Variants in CAST observed in about 807,000 individuals in gnomAD.
CAST encodes the protein calpastatin.
CAST carries 76 observed loss-of-function variants against 119.6 expected under a neutral mutation model. The observed-to-expected ratio is 0.64, with a 90% CI of 0.53 to 0.77. CAST has a LOEUF of 0.77. Among genes scored for constraint, CAST ranks in the 30% least tolerant of loss-of-function variants. The pLI, the probability that CAST is intolerant of heterozygous loss-of-function variation, is 0.00. For missense variants in CAST, 953 were observed against 946.5 expected (o/e 1.01, Z -0.09); for synonymous variants, 319 against 331.6 (o/e 0.96, Z 0.41).
At chr5:96,755,304 A>G in intron 22 of CAST, 1 of 152,310 alleles carries the variant, frequency 6.6e-6, no homozygotes, top group Non-Finnish European at 1.5e-5. Flanking sequence ...GTACCACTGC[A>G]CTCCAGCCAG....
the CAST span, among the ~76,000 whole-genome samples, chr5:95,968,903 G>C: frequency 2.0e-5 from 3 of 152,134 alleles, no homozygotes; most frequent in Non-Finnish European, 2.9e-5. Context: ...GTGAAGATAA[G>C]ACCTACTAGG....
chr5:96,535,816 T>C (rs899349917), intron 1 of CAST, among the ~76,000 whole-genome samples: 1 of 150,408 alleles, frequency 6.6e-6, no homozygotes. Flanking sequence ...CTCGTGATCC[T>C]CCCGCCTCGG....
At chr5:96,221,088 TG>T in the CAST span, among the ~76,000 whole-genome samples, 1 of 152,270 alleles carries the variant, frequency 6.6e-6, no homozygotes, top group East Asian at 1.9e-4. Context: ...TGTTGTGGAT[TG>T]ATTTGTAGTC....
intron 1 of CAST, among the ~76,000 whole-genome samples, chr5:96,535,824 C>T (rs950941856): frequency 6.6e-6 from 1 of 150,720 alleles, no homozygotes; most frequent in Non-Finnish European, 1.5e-5. Context: ...CCTCCCGCCT[C>T]GGCCTCCCAA....
intron 1 of CAST, among the ~76,000 whole-genome samples, chr5:96,628,058 T>C (rs748415503): frequency 1.5e-4 from 23 of 152,196 alleles, no homozygotes; most frequent in Non-Finnish European, 3.2e-4. Flanking sequence ...AGAAAGGAAA[T>C]ACAGTAAATC....
chr5:96,741,122 C>G, intron 13 of CAST, 144 bp from the exon 14 acceptor site: 2 of 614,118 alleles, frequency 3.3e-6, no homozygotes. Context: ...AAAACATACA[C>G]TTTGATCTAA....
At chr5:96,511,689 C>T in the CAST span, among the ~76,000 whole-genome samples, 2 of 152,234 alleles carry the variant, frequency 1.3e-5, no homozygotes, top group African/African-American at 2.4e-5. Flanking sequence ...TTTTACTCTA[C>T]TCCTAATTGC....
chr5:96,180,714 A>G, the CAST span, among the ~76,000 whole-genome samples: 7 of 152,380 alleles, frequency 4.6e-5, no homozygotes, highest in South Asian at 1.5e-3. Flanking sequence ...CATATTCACA[A>G]TTTCAAGTAA....
chr5:96,032,775 T>C, the CAST span, among the ~76,000 whole-genome samples: 1 of 152,090 alleles, frequency 6.6e-6, no homozygotes, highest in African/African-American at 2.4e-5. Context: ...AAAGGAGGAT[T>C]TCTTTAAAAT....
the CAST span, among the ~76,000 whole-genome samples, chr5:96,322,344 G>A: frequency 6.6e-6 from 1 of 152,110 alleles, no homozygotes; most frequent in African/African-American, 2.4e-5. Flanking sequence ...GGTGAGGAAA[G>A]TGCTACGGTC....
At chr5:96,005,213 C>T in the CAST span, among the ~76,000 whole-genome samples, 1 of 152,010 alleles carries the variant, frequency 6.6e-6, no homozygotes, top group African/African-American at 2.4e-5. Context: ...AAGATGAAGC[C>T]CCAAAGTCCA....
At chr5:96,683,909 G>T (rs1447595793) in intron 2 of CAST, among the ~76,000 whole-genome samples, 1 of 152,098 alleles carries the variant, frequency 6.6e-6, no homozygotes, top group African/African-American at 2.4e-5. Context: ...CAAAATTTAG[G>T]ACAAAAACTC....
At chr5:95,989,421 A>T in the CAST span, among the ~76,000 whole-genome samples, 1 of 152,160 alleles carries the variant, frequency 6.6e-6, no homozygotes, top group Non-Finnish European at 1.5e-5. Flanking sequence ...AGTGAGTAGA[A>T]AGTGCTGTCA....
At chr5:96,056,268 A>G in the CAST span, among the ~76,000 whole-genome samples, 3 of 152,318 alleles carry the variant, frequency 2.0e-5, no homozygotes, top group South Asian at 6.2e-4. Flanking sequence ...AATTTCAAAA[A>G]CAAATGTATC....
chr5:96,614,758 A>AAT (rs201879068), intron 1 of CAST, among the ~76,000 whole-genome samples: 16 of 151,744 alleles, frequency 1.1e-4, no homozygotes, highest in South Asian at 4.2e-4. Flanking sequence ...TTAAAAACTG[A>AAT]ATATATATAT....
At chr5:96,387,060 G>A in the CAST span, among the ~76,000 whole-genome samples, 2 of 152,290 alleles carry the variant, frequency 1.3e-5, no homozygotes, top group East Asian at 1.9e-4. Context: ...TGCATAAGAG[G>A]TAGACTTCAT....
chr5:96,018,667 A>G, the CAST span, among the ~76,000 whole-genome samples: 1 of 152,222 alleles, frequency 6.6e-6, no homozygotes, highest in Non-Finnish European at 1.5e-5. Context: ...CACTTTTTCA[A>G]GTAGAGAATG....
chr5:96,496,147 A>T, the CAST span, among the ~76,000 whole-genome samples: 1 of 152,228 alleles, frequency 6.6e-6, no homozygotes, highest in Non-Finnish European at 1.5e-5. Context: ...TACTGATTAC[A>T]AAATCCATAA....
At chr5:96,690,382 C>T (rs1455483730) in intron 2 of CAST, among the ~76,000 whole-genome samples, 1 of 152,048 alleles carries the variant, frequency 6.6e-6, no homozygotes, top group African/African-American at 2.4e-5. Context: ...CAGACATGCG[C>T]CATTACACCC....
Sources: allele counts gnomAD v4.1 joint callset (sites outside exome capture counted in the v4.1 genomes callset), GRCh38; gene constraint gnomAD v4.1.1; transcripts MANE v1.5; gene names NCBI Gene and HGNC (gene_info 2026-07-23, HGNC 2026-07-21).